The following BAZ2B variants were observed in gnomAD, a reference collection of about 807,000 sequenced individuals.
BAZ2B encodes the protein bromodomain adjacent to zinc finger domain 2B.
Under a neutral mutation model 246.0 loss-of-function variants are expected in BAZ2B, and 91 were observed. That is an observed-to-expected ratio of 0.37 (90% CI 0.31 to 0.44). The LOEUF is 0.44. BAZ2B is among the 20% of genes least tolerant of loss of function. The probability of loss-of-function intolerance (pLI) is 1.00; values close to 1 mark genes in which losing one functional copy is unlikely to be tolerated. For synonymous variants in BAZ2B, 855 were observed against 860.0 expected, an observed-to-expected ratio of 0.99 and a Z score of 0.10; for missense variants, 2,332 against 2,533.7, an observed-to-expected ratio of 0.92 and a Z score of 1.71.
the BAZ2B span, among the ~76,000 whole-genome samples, chr2:159,631,236 T>G: frequency 6.6e-6 from 1 of 152,092 alleles, no homozygotes; most frequent in African/African-American, 2.4e-5. Flanking sequence ...AAAATGAATA[T>G]GTTGGTGTTT....
the BAZ2B span, among the ~76,000 whole-genome samples, chr2:159,707,725 G>A: frequency 2.0e-5 from 3 of 152,202 alleles, no homozygotes; most frequent in Admixed American, 6.5e-5. Flanking sequence ...TACTCAGGAG[G>A]CTGAGGAAGG....
chr2:159,547,638 C>T (rs907303227), intron 2 of BAZ2B, among the ~76,000 whole-genome samples: 5 of 152,120 alleles, frequency 3.3e-5, no homozygotes, highest in African/African-American at 1.2e-4. Flanking sequence ...AATTTCAAGT[C>T]ACCTTAATTC....
intron 3 of BAZ2B, among the ~76,000 whole-genome samples, chr2:159,455,763 GTTTTTTTTTTTTTTTT>G (rs60866580): frequency 7.7e-5 from 5 of 64,610 alleles, no homozygotes; most frequent in Non-Finnish European, 1.2e-4. Flanking sequence ...AAATATTGTG[GTTTTTTTTTTTTTTTT>G]TTTTTTTTTG....
chr2:159,501,156 AT>A (rs372575181), intron 2 of BAZ2B, among the ~76,000 whole-genome samples: 8 of 31,612 alleles, frequency 2.5e-4, no homozygotes, highest in East Asian at 2.0e-3. Context: ...TATAATATAT[AT>A]AAATATATAA....
intron 6 of BAZ2B, among the ~76,000 whole-genome samples, chr2:159,445,137 G>A (rs2074044647): frequency 6.6e-6 from 1 of 152,164 alleles, no homozygotes; most frequent in Non-Finnish European, 1.5e-5. Flanking sequence ...AAAGTGCAGA[G>A]TGATCAGAAT....
rs1576257128 is a variant in BAZ2B, at chr2:159,373,186, G to T, written c.4072C>A (p.Gln1358Lys). The change falls in exon 27 of 37, where the codon CAG becomes AAG. Residue 1358 changes from glutamine to lysine, a missense_variant. This residue lies in a region of BAZ2B where 676 missense variants were observed against 668.6 expected (regional missense o/e 1.01). Coordinates refer to ENST00000392783, the MANE Select transcript of BAZ2B (RefSeq NM_013450.4). ...EKQIEKLSKQ[Q>K]SQYRRKLFDA... ...AAGAGCTTCCTTCTGTACTGACTCT[G>T]TTGCTGTTAAAAAAATGGTACATAT... 3.7e-6 allele frequency: 6 copies of T among 1,603,336 alleles called. No homozygotes were observed. The East Asian group carries it at 1.3e-4, about 36-fold the overall frequency.
intron 1 of BAZ2B, among the ~76,000 whole-genome samples, chr2:159,566,854 G>A (rs780926257): frequency 7.6e-4 from 116 of 152,100 alleles, no homozygotes; most frequent in Non-Finnish European, 1.4e-3. Context: ...GATGTGAGAG[G>A]TTATATACTA....
At chr2:159,420,765 C>T (rs887679301) in intron 13 of BAZ2B, among the ~76,000 whole-genome samples, 9 of 152,146 alleles carry the variant, frequency 5.9e-5, no homozygotes, top group African/African-American at 2.2e-4. Context: ...ATATGTCTAG[C>T]TCAACCTTAT....
At chr2:159,640,407 C>T in the BAZ2B span, among the ~76,000 whole-genome samples, 11,656 of 152,050 alleles carry the variant, frequency 0.077, 945 homozygotes, top group African/African-American at 0.2. Context: ...CATTCTTCTT[C>T]TTGGCATATG....
At chr2:159,336,143 C>T (rs897217295) in intron 33 of BAZ2B, among the ~76,000 whole-genome samples, 9 of 151,736 alleles carry the variant, frequency 5.9e-5, no homozygotes, top group Admixed American at 4.6e-4. Context: ...CCTGGGTGAG[C>T]GAGACTCTGT....
chr2:159,463,034 T>C, intron 3 of BAZ2B: 1 of 735,918 alleles, frequency 1.4e-6, no homozygotes, highest in Non-Finnish European at 2.5e-6. Context: ...TCTGTAATTA[T>C]GACCTGATCT....
chr2:159,428,029 T>C lies in BAZ2B; in HGVS notation c.2378A>G (p.Asn793Ser), dbSNP rs772877234. 6.2e-6 allele frequency: 10 copies of C among 1,613,074 alleles called. No homozygotes were observed. The Admixed American group carries it at 6.7e-5, about 11-fold the overall frequency. Residue 793 changes from asparagine (N) to serine (S), a missense_variant, in exon 13 of 37, where the codon AAT becomes AGT. This residue lies in a region of BAZ2B where 651 missense variants were observed against 650.9 expected (regional missense o/e 1.00). Coordinates refer to ENST00000392783, the MANE Select transcript of BAZ2B (RefSeq NM_013450.4). Reference protein sequence around the residue: ...YPEVIKYLSRNGIMDISRDNF... With the variant: ...YPEVIKYLSRSGIMDISRDNF... ...GTCCCTTGAGATATCCATTATTCCATTTCTGCTGAGATACTGAAAAAATCA... is the reference window on the plus strand; with the variant it reads ...GTCCCTTGAGATATCCATTATTCCACTTCTGCTGAGATACTGAAAAAATCA...
the BAZ2B span, among the ~76,000 whole-genome samples, chr2:159,690,652 C>A: frequency 1.3e-5 from 2 of 152,130 alleles, no homozygotes; most frequent in African/African-American, 4.8e-5. Context: ...AAACACCAGA[C>A]TGTAAATATT....
intron 1 of BAZ2B, among the ~76,000 whole-genome samples, chr2:159,564,499 C>T (rs1267673649): frequency 6.6e-6 from 1 of 152,084 alleles, no homozygotes; most frequent in Non-Finnish European, 1.5e-5. Flanking sequence ...AGTTGAGCAA[C>T]TGTAGTAACT....
intron 1 of BAZ2B, among the ~76,000 whole-genome samples, chr2:159,590,606 AATAAATAG>A (rs1231692853): frequency 5.9e-5 from 9 of 152,190 alleles, no homozygotes; most frequent in East Asian, 3.9e-4. Context: ...TAAATAAATA[AATAAATAG>A]ATAGATAGAT....
intron 1 of BAZ2B, among the ~76,000 whole-genome samples, chr2:159,567,165 C>G (rs775659493): frequency 1.4e-4 from 22 of 152,078 alleles, no homozygotes; most frequent in Admixed American, 1.3e-4. Context: ...ATCGCTTGAA[C>G]CCGGGAAGCA....
chr2:159,594,250 C>CA (rs1578746618), intron 1 of BAZ2B, among the ~76,000 whole-genome samples: 1 of 151,972 alleles, frequency 6.6e-6, no homozygotes, highest in Admixed American at 6.6e-5. Context: ...ACTAAAAATA[C>CA]AAAAAAATCA....
intron 2 of BAZ2B, among the ~76,000 whole-genome samples, chr2:159,504,882 T>C (rs533000669): frequency 1.3e-4 from 20 of 152,226 alleles, no homozygotes; most frequent in Admixed American, 2.6e-4. Flanking sequence ...CATGAACTTA[T>C]TTGGTTCTCT....
At chr2:159,581,001 G>A (rs1686628831) in intron 1 of BAZ2B, among the ~76,000 whole-genome samples, 1 of 152,078 alleles carries the variant, frequency 6.6e-6, no homozygotes, top group Admixed American at 6.6e-5. Flanking sequence ...CAGGACATAG[G>A]CATGGGCAAA....
Sources: allele counts gnomAD v4.1 joint callset (sites outside exome capture counted in the v4.1 genomes callset), GRCh38; gene constraint gnomAD v4.1.1; regional missense constraint gnomAD v4.1.1; transcripts MANE v1.5; gene names NCBI Gene and HGNC (gene_info 2026-07-23, HGNC 2026-07-21).